The following WWTR1 variants were observed in gnomAD, a reference collection of about 807,000 sequenced individuals.
WWTR1 encodes the protein WW domain-containing transcription regulator protein 1.
Under a neutral mutation model 40.1 loss-of-function variants are expected in WWTR1, and 13 were observed. The ratio of observed to expected loss-of-function variants is 0.32; its 90% CI spans 0.21 to 0.52. The LOEUF (loss-of-function observed/expected upper bound fraction) is 0.52, where lower values mean the gene tolerates loss of function less well. Ranked by LOEUF, WWTR1 falls within the 20% of genes least tolerant of loss-of-function variation. WWTR1 has a pLI of 0.97. For missense variants in WWTR1, 436 were observed against 523.1 expected (o/e 0.83, Z 1.63); for synonymous variants, 230 against 210.1 (o/e 1.09, Z -0.82).
chr3:149,583,202 G>A (rs1219762309), intron 2 of WWTR1, among the ~76,000 whole-genome samples: 4 of 152,188 alleles, frequency 2.6e-5, no homozygotes, highest in Admixed American at 6.5e-5. Context: ...TTGACCTCAT[G>A]TTATCCACCC....
chr3:149,521,448 G>C (rs1007544672), intron 6 of WWTR1, among the ~76,000 whole-genome samples: 1 of 152,106 alleles, frequency 6.6e-6, no homozygotes, highest in Admixed American at 6.5e-5. Flanking sequence ...GATGACTTTA[G>C]GCATCATTTA....
At chr3:149,576,350 C>G in intron 2 of WWTR1, 1 of 312,900 alleles carries the variant, frequency 3.2e-6, no homozygotes, top group Non-Finnish European at 6.3e-6. Flanking sequence ...ACTTCCCAAA[C>G]CCAGGATACG....
chr3:149,638,847 G>A (rs1711992033), intron 2 of WWTR1, among the ~76,000 whole-genome samples: 1 of 152,128 alleles, frequency 6.6e-6, no homozygotes, highest in African/African-American at 2.4e-5. Flanking sequence ...GCCGGCCGAT[G>A]GGGAAACAAA....
rs778504782 is a variant in WWTR1, at chr3:149,628,733, AT to A, written c.431+28142del. Among the ~76,000 whole-genome samples the A allele has an allele frequency of 8.2e-3, 1,148 of 140,802 alleles. 17 individuals are homozygous for A. Among genetic ancestry groups the A allele is most frequent in the African/African-American group, 0.03 (1,084 of 36,116 alleles). 92.4% of individuals were successfully genotyped at this position (140,802 alleles called of 152,430 possible). Reference sequence around the variant, plus strand: ...TCAAGTCTCACAAATGATTCTTTTTATTTTTTTTATTTTATTTTATTTTATT... The same window carrying A: ...TCAAGTCTCACAAATGATTCTTTTTATTTTTTTATTTTATTTTATTTTATT... On this transcript the variant is annotated intron_variant, in intron 2 of 6. Transcript: ENST00000360632.
At chr3:149,599,674 C>A (rs1320326919) in intron 2 of WWTR1, among the ~76,000 whole-genome samples, 1 of 152,080 alleles carries the variant, frequency 6.6e-6, no homozygotes, top group Non-Finnish European at 1.5e-5. Context: ...GTGGTAATAT[C>A]CCAAACTAAA....
chr3:149,717,841 A>G (rs1361690736), intron 4 of WWTR1, among the ~76,000 whole-genome samples: 1 of 152,222 alleles, frequency 6.6e-6, no homozygotes, highest in East Asian at 1.9e-4. Context: ...GTAGCTTGTT[A>G]GTATTCACAT....
At chr3:149,593,090 G>T (rs1392051592) in intron 2 of WWTR1, among the ~76,000 whole-genome samples, 1 of 152,128 alleles carries the variant, frequency 6.6e-6, no homozygotes, top group Non-Finnish European at 1.5e-5. Flanking sequence ...TCTGATTTAG[G>T]CTGGGCATAC....
chr3:149,566,738 G>C (rs1737343439), intron 3 of WWTR1, among the ~76,000 whole-genome samples: 1 of 149,328 alleles, frequency 6.7e-6, no homozygotes, highest in South Asian at 2.1e-4. Context: ...TTCCTAGAGA[G>C]AACAGCAAGC....
At chr3:149,559,090 T>C (rs1736970676) in intron 3 of WWTR1, among the ~76,000 whole-genome samples, 1 of 151,990 alleles carries the variant, frequency 6.6e-6, no homozygotes, top group Non-Finnish European at 1.5e-5. Flanking sequence ...GGTTAGGAGT[T>C]CCAGACCAGC....
intron 2 of WWTR1, among the ~76,000 whole-genome samples, chr3:149,642,618 AC>A (rs1712241172): frequency 6.6e-6 from 1 of 151,724 alleles, no homozygotes; most frequent in Non-Finnish European, 1.5e-5. Context: ...TACTAAAAAT[AC>A]AAAAAATTAG....
intron 2 of WWTR1, among the ~76,000 whole-genome samples, chr3:149,614,021 C>T (rs796800355): frequency 1.5e-4 from 23 of 152,312 alleles, no homozygotes; most frequent in African/African-American, 5.1e-4. Context: ...ATTACTAACA[C>T]TTCAGTACTG....
chr3:149,527,108 T>C (rs1166695966), intron 5 of WWTR1, among the ~76,000 whole-genome samples: 1 of 152,034 alleles, frequency 6.6e-6, no homozygotes, highest in Non-Finnish European at 1.5e-5. Context: ...TACTAAACTA[T>C]AGATCTTATT....
intron 3 of WWTR1, among the ~76,000 whole-genome samples, chr3:149,542,862 T>A (rs974817485): frequency 6.6e-6 from 1 of 151,794 alleles, no homozygotes; most frequent in African/African-American, 2.4e-5. Context: ...TCACAAGTTA[T>A]GAGATAATTT....
chr3:149,559,022 G>A (rs965669550), intron 3 of WWTR1, among the ~76,000 whole-genome samples: 3 of 152,114 alleles, frequency 2.0e-5, no homozygotes, highest in Non-Finnish European at 4.4e-5. Context: ...AGCTGGGCAC[G>A]GTGGCTCACG....
At chr3:149,654,759 A>T (rs542878489) in intron 2 of WWTR1, among the ~76,000 whole-genome samples, 3 of 152,280 alleles carry the variant, frequency 2.0e-5, no homozygotes, top group Admixed American at 1.3e-4. Flanking sequence ...TCATATTTTT[A>T]ATAATCACAG....
At chr3:149,536,283 A>G (rs549007555) in intron 4 of WWTR1, among the ~76,000 whole-genome samples, 1 of 152,314 alleles carries the variant, frequency 6.6e-6, no homozygotes, top group African/African-American at 2.4e-5. Flanking sequence ...ATAGATTCAC[A>G]AAATATTAGA....
intron 1 of WWTR1, among the ~76,000 whole-genome samples, chr3:149,678,108 C>T (rs1559838611): frequency 6.6e-6 from 1 of 152,080 alleles, no homozygotes; most frequent in Non-Finnish European, 1.5e-5. Context: ...TATATTCAAC[C>T]TAACATCATT....
chr3:149,649,647 T>C (rs2108145800), intron 2 of WWTR1, among the ~76,000 whole-genome samples: 1 of 152,286 alleles, frequency 6.6e-6, no homozygotes, highest in East Asian at 1.9e-4. Context: ...CCGGGTGCAG[T>C]GGCTCACGCC....
chr3:149,568,523 CAAAAAAAAAAA>C (rs34414853), intron 3 of WWTR1, among the ~76,000 whole-genome samples: 246 of 64,770 alleles, frequency 3.8e-3, no homozygotes, highest in African/African-American at 8.7e-3. Context: ...AATTAAAGTG[CAAAAAAAAAAA>C]AAAAAAAAAA....
Sources: allele counts gnomAD v4.1 joint callset (sites outside exome capture counted in the v4.1 genomes callset), GRCh38; gene constraint gnomAD v4.1.1; transcripts MANE v1.5; gene names NCBI Gene and HGNC (gene_info 2026-07-23, HGNC 2026-07-21).